The following FHOD3 variants were observed in gnomAD, a reference collection of about 807,000 sequenced individuals.
FHOD3 encodes formin homology 2 domain containing 3, also known as FH1/FH2 domain-containing protein 3.
A neutral mutation model predicts 173.0 loss-of-function variants in FHOD3; 90 were observed. The ratio of observed to expected loss-of-function variants is 0.52; its 90% CI spans 0.44 to 0.62. The LOEUF is 0.62. FHOD3 is among the 20% of genes least tolerant of loss of function. The pLI is 0.00. For synonymous variants in FHOD3, 828 were observed against 823.0 expected (o/e 1.01, Z -0.10); for missense variants, 1,945 against 2,034.7 (o/e 0.96, Z 0.85).
intron 18 of FHOD3, chr18:36,710,353 G>A (rs557207875): frequency 8.5e-5 from 13 of 152,172 alleles, no homozygotes; most frequent in Non-Finnish European, 1.5e-4. Context: ...GCACCCACTC[G>A]AGTCGATGTC....
chr18:36,451,292 A>G (rs1334924065), intron 3 of FHOD3, among the ~76,000 whole-genome samples: 1 of 152,234 alleles, frequency 6.6e-6, no homozygotes, highest in Non-Finnish European at 1.5e-5. Context: ...TACTTGGTAC[A>G]TAATGTTAAA....
chr18:36,486,044 T>C (rs2054175999), intron 3 of FHOD3, among the ~76,000 whole-genome samples: 1 of 152,224 alleles, frequency 6.6e-6, no homozygotes, highest in Non-Finnish European at 1.5e-5. Context: ...GTCTTTCCTG[T>C]TAGACTCTAA....
intron 10 of FHOD3, among the ~76,000 whole-genome samples, chr18:36,637,350 C>T (rs1336689061): frequency 1.3e-5 from 2 of 152,140 alleles, no homozygotes; most frequent in Non-Finnish European, 2.9e-5. Context: ...GTCACCCAGG[C>T]TGGAGTGCAG....
At chr18:36,740,002 T>C (rs1290039696) in intron 20 of FHOD3, among the ~76,000 whole-genome samples, 1 of 152,184 alleles carries the variant, frequency 6.6e-6, no homozygotes, top group African/African-American at 2.4e-5. Context: ...GGAGTAGACA[T>C]GAGAATTTTT....
chr18:36,601,644 A>G (rs2031396321), intron 7 of FHOD3, among the ~76,000 whole-genome samples: 1 of 152,242 alleles, frequency 6.6e-6, no homozygotes, highest in South Asian at 2.1e-4. Context: ...AGCATTTGGA[A>G]ACTACTGTAT....
intron 20 of FHOD3, among the ~76,000 whole-genome samples, chr18:36,733,026 A>G (rs1001166435): frequency 1.3e-5 from 2 of 152,238 alleles, no homozygotes; most frequent in African/African-American, 4.8e-5. Flanking sequence ...AAATACCACT[A>G]GAGGGAAATT....
At chr18:36,424,328 C>T (rs2050136361) in intron 3 of FHOD3, among the ~76,000 whole-genome samples, 1 of 152,164 alleles carries the variant, frequency 6.6e-6, no homozygotes, top group Non-Finnish European at 1.5e-5. Context: ...TTAGGCTCCT[C>T]TCTTTTTTCC....
At chr18:36,440,726 A>G (rs1262520044) in intron 3 of FHOD3, among the ~76,000 whole-genome samples, 1 of 152,242 alleles carries the variant, frequency 6.6e-6, no homozygotes, top group Non-Finnish European at 1.5e-5. Flanking sequence ...AATAAACTCT[A>G]TTAATATCTC....
At chr18:36,568,792 A>G (rs1023611788) in intron 5 of FHOD3, among the ~76,000 whole-genome samples, 4 of 152,192 alleles carry the variant, frequency 2.6e-5, no homozygotes, top group Non-Finnish European at 4.4e-5. Flanking sequence ...TTATTTTAAA[A>G]ATATCCAGGA....
At chr18:36,457,555 G>A (rs183089101) in intron 3 of FHOD3, among the ~76,000 whole-genome samples, 2 of 144,482 alleles carry the variant, frequency 1.4e-5, no homozygotes, top group Middle Eastern at 3.4e-3. Context: ...AGAAAAAAAG[G>A]GAAAGGAGCA....
intron 17 of FHOD3, among the ~76,000 whole-genome samples, chr18:36,707,710 G>T (rs531790341): frequency 2.0e-5 from 3 of 152,224 alleles, no homozygotes; most frequent in South Asian, 2.1e-4. Flanking sequence ...CTGGTTCTGT[G>T]CACCCCATGG....
chr18:36,438,777 C>T (rs147757716), intron 3 of FHOD3, among the ~76,000 whole-genome samples: 161 of 152,340 alleles, frequency 1.1e-3, no homozygotes, highest in South Asian at 2.7e-3. Flanking sequence ...TGCTCTTCAT[C>T]CTGTCTTCAG....
chr18:36,467,991 G>A (rs544434364), intron 3 of FHOD3, among the ~76,000 whole-genome samples: 19 of 152,344 alleles, frequency 1.2e-4, no homozygotes, highest in African/African-American at 3.4e-4. Flanking sequence ...GAAGGCAGAC[G>A]GTAGGTCTGT....
intron 3 of FHOD3, among the ~76,000 whole-genome samples, chr18:36,468,105 GC>G (rs2053055186): frequency 6.6e-6 from 1 of 152,180 alleles, no homozygotes; most frequent in Non-Finnish European, 1.5e-5. Flanking sequence ...GCTTCTGGGA[GC>G]CGAGAGGGGA....
At chr18:36,745,326 G>A (rs1481545248) in intron 23 of FHOD3, among the ~76,000 whole-genome samples, 1 of 152,150 alleles carries the variant, frequency 6.6e-6, no homozygotes, top group Non-Finnish European at 1.5e-5. Flanking sequence ...GATTCCTTTG[G>A]TTTCAGACAA....
At chr18:36,403,983 G>A (rs1187592950) in intron 3 of FHOD3, among the ~76,000 whole-genome samples, 2 of 152,134 alleles carry the variant, frequency 1.3e-5, no homozygotes, top group Admixed American at 1.3e-4. Context: ...TTTCCTTGTG[G>A]GATCATATTT....
intron 1 of FHOD3, among the ~76,000 whole-genome samples, chr18:36,300,980 G>C (rs927009733): frequency 6.6e-6 from 1 of 152,118 alleles, no homozygotes; most frequent in Non-Finnish European, 1.5e-5. Context: ...AGCTCAAAGT[G>C]ATCTGCCCAC....
intron 1 of FHOD3, among the ~76,000 whole-genome samples, chr18:36,300,307 GGGCTTCTCTTCCATTAACT>G (rs2091925858): frequency 6.6e-6 from 1 of 152,178 alleles, no homozygotes; most frequent in Non-Finnish European, 1.5e-5. Flanking sequence ...CATGCCTCCC[GGGCTTCTCTTCCATTAACT>G]GGAGGGGTTC....
intron 3 of FHOD3, among the ~76,000 whole-genome samples, chr18:36,463,854 G>T: frequency 6.6e-6 from 1 of 152,158 alleles, no homozygotes; most frequent in Admixed American, 6.5e-5. Flanking sequence ...GTGTTTTTAA[G>T]CTTAGGAGAC....
Sources: gnomAD v4.1 joint callset for allele counts (sites outside exome capture counted in the v4.1 genomes callset) on GRCh38, gnomAD v4.1.1 for gene constraint, MANE v1.5 for transcripts, NCBI Gene and HGNC (gene_info 2026-07-23, HGNC 2026-07-21) for gene names.